UVRAG: variants seen among roughly 807,000 people sequenced by gnomAD.
UVRAG encodes UV radiation resistance associated.
A neutral mutation model predicts 78.0 loss-of-function variants in UVRAG; 19 were observed. The ratio of observed to expected loss-of-function variants is 0.24; its 90% CI spans 0.17 to 0.36. UVRAG has a LOEUF of 0.36. Among genes scored for constraint, UVRAG ranks in the 10% least tolerant of loss-of-function variants. The probability of loss-of-function intolerance (pLI) is 1.00; values close to 1 mark genes in which losing one functional copy is unlikely to be tolerated. For synonymous variants in UVRAG, 323 were observed against 324.6 expected, an observed-to-expected ratio of 1.00 and a Z score of 0.05; for missense variants, 740 against 853.8, an observed-to-expected ratio of 0.87 and a Z score of 1.66.
At chr11:75,997,720 A>T (rs956355761) in intron 8 of UVRAG, among the ~76,000 whole-genome samples, 2 of 152,196 alleles carry the variant, frequency 1.3e-5, no homozygotes, top group Non-Finnish European at 2.9e-5. Flanking sequence ...GTAGAGAAAA[A>T]CTGCAGCCTA....
intron 14 of UVRAG, among the ~76,000 whole-genome samples, chr11:76,138,530 A>G (rs749199008): frequency 6.6e-6 from 1 of 152,312 alleles, no homozygotes; most frequent in Non-Finnish European, 1.5e-5. Context: ...AGGGCTACAA[A>G]CACCCTGTTC....
chr11:76,113,947 T>C (rs1457393321), intron 13 of UVRAG, among the ~76,000 whole-genome samples: 1 of 152,200 alleles, frequency 6.6e-6, no homozygotes, highest in Non-Finnish European at 1.5e-5. Context: ...AAAATCAGAC[T>C]TGGAGAGAAA....
intron 1 of UVRAG, among the ~76,000 whole-genome samples, chr11:75,822,581 G>T (rs1254319615): frequency 6.6e-6 from 1 of 151,940 alleles, no homozygotes; most frequent in Non-Finnish European, 1.5e-5. Context: ...TAAATTGGGG[G>T]TTCCTATGTT....
In UVRAG at chr11:76,065,716, A is replaced by T; in HGVS notation, c.1233A>T (p.Pro411=). 6.2e-7 allele frequency: 1 copy of T among 1,613,660 alleles called. No individual in the cohort carries two copies. Among genetic ancestry groups the T allele is most frequent in the South Asian group, 1.1e-5 (1 of 91,056 alleles). ...CCTTTTTTACCTTTCTTAGGTTTCC[A>T]CTGTATCCAAAAGGAGGGGAGAAGT... ...DKLTEKEREF[P]LYPKGGEKLQ... The change falls in exon 13 of 15, where the codon CCA becomes CCT. Residue 411 remains proline, a synonymous_variant. Transcript: ENST00000356136.
intron 1 of UVRAG, among the ~76,000 whole-genome samples, chr11:75,828,193 T>C (rs1945558227): frequency 1.3e-5 from 2 of 152,140 alleles, no homozygotes; most frequent in Non-Finnish European, 2.9e-5. Context: ...TTTTCATGAA[T>C]TGACTTATTG....
chr11:75,897,800 AG>A (rs1222399460), intron 5 of UVRAG, among the ~76,000 whole-genome samples: 1 of 151,150 alleles, frequency 6.6e-6, no homozygotes, highest in Non-Finnish European at 1.5e-5. Flanking sequence ...CTGGGATTAC[AG>A]GCATGAGCTA....
At chr11:75,854,879 G>A (rs1383046473) in intron 2 of UVRAG, among the ~76,000 whole-genome samples, 1 of 152,254 alleles carries the variant, frequency 6.6e-6, no homozygotes. Context: ...TATATCACTA[G>A]CAATGTATGA....
chr11:75,912,091 A>T lies in UVRAG; in HGVS notation c.593+52A>T, dbSNP rs750461397. 5 of 1,331,276 alleles carry T rather than the reference A, an allele frequency of 3.8e-6. No homozygotes were observed. In the African/African-American group the frequency reaches 4.3e-5, roughly 12 times the overall value. 82.5% of individuals were successfully genotyped at this position (1,331,276 alleles called of 1,614,324 possible). The stretch of plus-strand genomic sequence containing the variant: ...ATTCTAAAGAATCTTTCTCATTTTG[A>T]GTTTGTGACATTTCAATGTGAGAAA... On this transcript the variant is annotated intron_variant, in intron 6 of 14. Coordinates refer to ENST00000356136, the MANE Select transcript of UVRAG (RefSeq NM_003369.4).
intron 6 of UVRAG, among the ~76,000 whole-genome samples, chr11:75,921,620 A>AT (rs954305992): frequency 1.1e-4 from 16 of 151,782 alleles, no homozygotes; most frequent in African/African-American, 3.9e-4. Flanking sequence ...TTCTATAGAT[A>AT]TTTTTTGCTA....
At chr11:75,987,101 T>G (rs778587803) in intron 8 of UVRAG, among the ~76,000 whole-genome samples, 25 of 152,230 alleles carry the variant, frequency 1.6e-4, no homozygotes, top group Non-Finnish European at 3.4e-4. Flanking sequence ...ATGTTTGATT[T>G]CATTCCTGTT....
intron 5 of UVRAG, among the ~76,000 whole-genome samples, chr11:75,905,774 G>A (rs1407011315): frequency 6.6e-6 from 1 of 152,056 alleles, no homozygotes; most frequent in African/African-American, 2.4e-5. Flanking sequence ...GAACATTTGT[G>A]TACAACTGTT....
At chr11:76,066,879 A>G (rs1320261282) in intron 13 of UVRAG, among the ~76,000 whole-genome samples, 1 of 152,236 alleles carries the variant, frequency 6.6e-6, no homozygotes, top group African/African-American at 2.4e-5. Context: ...TTATTTAAAT[A>G]CATTGTGAGC....
At chr11:76,125,602 CAGAA>C (rs1216723274) in intron 14 of UVRAG, among the ~76,000 whole-genome samples, 1 of 152,210 alleles carries the variant, frequency 6.6e-6, no homozygotes, top group Non-Finnish European at 1.5e-5. Flanking sequence ...CCACTGGTGA[CAGAA>C]AGGCACTTGG....
intron 3 of UVRAG, among the ~76,000 whole-genome samples, chr11:75,877,107 T>G (rs1325560008): frequency 6.6e-6 from 1 of 151,646 alleles, no homozygotes; most frequent in East Asian, 1.9e-4. Context: ...TGCACCGCCC[T>G]TAATCCATTT....
chr11:75,889,701 G>T (rs748659399), intron 5 of UVRAG, among the ~76,000 whole-genome samples: 1 of 152,188 alleles, frequency 6.6e-6, no homozygotes, highest in Non-Finnish European at 1.5e-5. Flanking sequence ...TTGAGCGCCT[G>T]CTGTATGTCA....
chr11:76,101,099 AT>A (rs59513727), intron 13 of UVRAG, among the ~76,000 whole-genome samples: 15,392 of 152,064 alleles, frequency 0.1, 1,812 homozygotes, highest in African/African-American at 0.29. Flanking sequence ...TGATAAAACG[AT>A]TTGTATTCCT....
intron 12 of UVRAG, among the ~76,000 whole-genome samples, chr11:76,019,742 C>T (rs546193456): frequency 6.6e-6 from 1 of 152,324 alleles, no homozygotes; most frequent in East Asian, 1.9e-4. Context: ...CAATCACCCT[C>T]GTGGCCTCCA....
At chr11:75,842,730 G>A (rs1468590331) in intron 1 of UVRAG, among the ~76,000 whole-genome samples, 2 of 152,074 alleles carry the variant, frequency 1.3e-5, no homozygotes, top group African/African-American at 2.4e-5. Flanking sequence ...ATGAGCCACC[G>A]TACCTGGCCT....
chr11:75,855,050 A>G (rs1200731153), intron 2 of UVRAG, among the ~76,000 whole-genome samples: 1 of 152,214 alleles, frequency 6.6e-6, no homozygotes, highest in Non-Finnish European at 1.5e-5. Context: ...AGCAATTATT[A>G]TTAGAATTAT....
Sources: allele counts gnomAD v4.1 joint callset (sites outside exome capture counted in the v4.1 genomes callset), GRCh38; gene constraint gnomAD v4.1.1; transcripts MANE v1.5; gene names NCBI Gene and HGNC (gene_info 2026-07-23, HGNC 2026-07-21).